Variants in SBF2 observed in about 807,000 individuals in gnomAD.
SBF2 encodes myotubularin-related protein 13.
Under a neutral mutation model 225.2 loss-of-function variants are expected in SBF2, and 112 were observed. The observed-to-expected ratio is 0.50, with a 90% CI of 0.43 to 0.58. The LOEUF is 0.58. Among genes scored for constraint, SBF2 ranks in the 20% least tolerant of loss-of-function variants. SBF2 has a pLI of 0.00. For synonymous variants in SBF2, 763 were observed against 773.3 expected, an observed-to-expected ratio of 0.99 and a Z score of 0.22; for missense variants, 1,996 against 2,206.2, an observed-to-expected ratio of 0.90 and a Z score of 1.91.
intron 1 of SBF2, among the ~76,000 whole-genome samples, chr11:10,224,684 G>A (rs12270822): frequency 0.022 from 3,285 of 152,000 alleles, 91 homozygotes; most frequent in African/African-American, 0.065. Context: ...TGGTTCCTTC[G>A]AATTCTTCAC....
At chr11:9,907,395 C>A (rs925741857) in intron 16 of SBF2, among the ~76,000 whole-genome samples, 1 of 152,292 alleles carries the variant, frequency 6.6e-6, no homozygotes, top group East Asian at 1.9e-4. Flanking sequence ...GTTGAGGAAG[C>A]CCATCCATGC....
At chr11:10,107,866 G>C (rs1486953789) in intron 2 of SBF2, among the ~76,000 whole-genome samples, 1 of 152,154 alleles carries the variant, frequency 6.6e-6, no homozygotes, top group Non-Finnish European at 1.5e-5. Context: ...GTTATGGATA[G>C]ACATCTTTTG....
intron 21 of SBF2, 113 bp downstream of exon 21, chr11:9,852,563 T>G: frequency 1.3e-6 from 1 of 790,178 alleles, no homozygotes; most frequent in South Asian, 1.4e-5. Flanking sequence ...TCATTAAAAC[T>G]GGAGTTAGTG....
At chr11:9,823,405 T>A (rs767271766) in intron 28 of SBF2, among the ~76,000 whole-genome samples, 30 of 150,496 alleles carry the variant, frequency 2.0e-4, no homozygotes, top group Non-Finnish European at 3.5e-4. Flanking sequence ...ATAAGAAAAC[T>A]TGGAACTAAG....
At chr11:9,923,012 C>T (rs932578415) in intron 16 of SBF2, among the ~76,000 whole-genome samples, 9 of 152,130 alleles carry the variant, frequency 5.9e-5, no homozygotes, top group African/African-American at 1.9e-4. Context: ...GTTCTGCCTA[C>T]AAAGGCACAG....
intron 16 of SBF2, among the ~76,000 whole-genome samples, chr11:9,951,286 G>A (rs918406416): frequency 6.6e-6 from 1 of 152,180 alleles, no homozygotes; most frequent in African/African-American, 2.4e-5. Flanking sequence ...TACTATGAAG[G>A]CAAAGGATTT....
intron 6 of SBF2, among the ~76,000 whole-genome samples, chr11:10,010,566 C>G (rs1948404449): frequency 6.6e-6 from 1 of 152,150 alleles, no homozygotes; most frequent in Admixed American, 6.5e-5. Context: ...GGTGTTATTT[C>G]TGAGGCCTCT....
At chr11:10,146,172 C>A (rs1198684592) in intron 2 of SBF2, among the ~76,000 whole-genome samples, 3 of 152,140 alleles carry the variant, frequency 2.0e-5, no homozygotes, top group Non-Finnish European at 1.5e-5. Context: ...AGATTTAATG[C>A]TATTCCTATC....
At chr11:10,162,505 G>T (rs577140186) in intron 2 of SBF2, among the ~76,000 whole-genome samples, 1 of 152,214 alleles carries the variant, frequency 6.6e-6, no homozygotes, top group East Asian at 1.9e-4. Context: ...AAATAGCATT[G>T]GTTTCTCTTC....
intron 1 of SBF2, among the ~76,000 whole-genome samples, chr11:10,225,807 C>T (rs755260781): frequency 1.3e-5 from 2 of 151,992 alleles, no homozygotes; most frequent in Non-Finnish European, 2.9e-5. Flanking sequence ...ATAAGGTTGG[C>T]AAAAGTTAAA....
At chr11:9,873,183 G>A (rs1335251740) in intron 17 of SBF2, among the ~76,000 whole-genome samples, 1 of 134,082 alleles carries the variant, frequency 7.5e-6, no homozygotes, top group Non-Finnish European at 1.5e-5. Flanking sequence ...TCCAGCTTGG[G>A]CGACAGAGTG....
intron 16 of SBF2, among the ~76,000 whole-genome samples, chr11:9,914,617 C>T (rs906417163): frequency 1.3e-5 from 2 of 152,048 alleles, no homozygotes; most frequent in Non-Finnish European, 2.9e-5. Flanking sequence ...ATACAGACAA[C>T]CTTGGGCTTG....
At chr11:10,127,365 C>T (rs1224602816) in intron 2 of SBF2, among the ~76,000 whole-genome samples, 3 of 152,028 alleles carry the variant, frequency 2.0e-5, no homozygotes, top group Admixed American at 6.5e-5. Flanking sequence ...AATGAATGGG[C>T]AAAACTGTTT....
intron 6 of SBF2, among the ~76,000 whole-genome samples, chr11:10,022,242 CAG>C (rs762857749): frequency 2.6e-5 from 4 of 152,034 alleles, no homozygotes; most frequent in East Asian, 1.9e-4. Context: ...TATAAACAAA[CAG>C]GGGAAAAAAG....
intron 39 of SBF2, 86 bp downstream of exon 39, chr11:9,781,421 A>G: frequency 5.7e-6 from 9 of 1,571,532 alleles, no homozygotes; most frequent in Non-Finnish European, 7.0e-6. Context: ...AGTCACCACC[A>G]ATTACTCTGA....
At chr11:9,830,347 T>C (rs192283925) in intron 27 of SBF2, among the ~76,000 whole-genome samples, 225 of 152,334 alleles carry the variant, frequency 1.5e-3, no homozygotes, top group African/African-American at 5.3e-3. Context: ...TTTTATTGCC[T>C]AACAATAAAA....
At chr11:10,192,972 C>T (rs1418473180) in intron 2 of SBF2, among the ~76,000 whole-genome samples, 3 of 152,156 alleles carry the variant, frequency 2.0e-5, no homozygotes, top group African/African-American at 7.2e-5. Context: ...CACCATGGAT[C>T]CACCACCAGA....
At chr11:10,130,375 A>C (rs7947306) in intron 2 of SBF2, among the ~76,000 whole-genome samples, 32,262 of 151,902 alleles carry the variant, frequency 0.21, 4,089 homozygotes, top group Non-Finnish European at 0.3. Context: ...AAAAAAAAAA[A>C]AATTCAGTAG....
chr11:10,161,223 T>C (rs983180614), intron 2 of SBF2, among the ~76,000 whole-genome samples: 8 of 123,824 alleles, frequency 6.5e-5, no homozygotes, highest in African/African-American at 2.1e-4. Context: ...CATAAGAAAA[T>C]AGCAGTTTTC....
Sources: allele counts gnomAD v4.1 joint callset (sites outside exome capture counted in the v4.1 genomes callset), GRCh38; gene constraint gnomAD v4.1.1; transcripts MANE v1.5; gene names NCBI Gene and HGNC (gene_info 2026-07-23, HGNC 2026-07-21).